RDH12: variants seen among roughly 807,000 people sequenced by gnomAD.
The protein encoded by RDH12 is all-trans and 9-cis retinol dehydrogenase.
In RDH12, 21 loss-of-function variants were observed where a neutral mutation model predicts 34.0. The ratio of observed to expected loss-of-function variants is 0.62; its 90% confidence interval spans 0.44 to 0.89. RDH12 has a LOEUF of 0.89. Ranked by LOEUF, RDH12 falls within the 40% of genes least tolerant of loss-of-function variation. RDH12 has a pLI of 0.00. For synonymous variants in RDH12, 198 were observed against 169.9 expected (o/e 1.17, Z -1.29); for missense variants, 394 against 398.6 (o/e 0.99, Z 0.10).
At chr14:67,707,366 A>G (rs1358655853) in intron 1 of RDH12, among the ~76,000 whole-genome samples, 1 of 152,188 alleles carries the variant, frequency 6.6e-6, no homozygotes, top group Non-Finnish European at 1.5e-5. Context: ...CTAAAGACAA[A>G]TTATGGTAGG....
At position 67,727,009 on chromosome 14, in the gene RDH12, G is replaced by A. The variant is rs1566847876; in HGVS notation, c.477G>A (p.Leu159=). 6.2e-7 allele frequency: 1 copy of A among 1,613,132 alleles called. No homozygotes were observed. Among genetic ancestry groups the A allele is most frequent in the Non-Finnish European group, 8.5e-7 (1 of 1,180,018 alleles). ...ACTTCCTCCTCACCTACCTGCTCCT[G>A]GAGCGGCTAAAGGTGTCTGCCCCTG... ...LGHFLLTYLL[L]ERLKVSAPAR... is the part of the protein sequence containing the mutation. The change falls in exon 7 of 9, where the codon CTG becomes CTA. Residue 159 remains leucine, a synonymous_variant. Transcript: ENST00000551171.
In RDH12 at chr14:67,719,833, A is replaced by T. The variant is rs192516428; in HGVS notation, c.-274-1015A>T. Among the ~76,000 whole-genome samples, 9 of 152,256 alleles carry T rather than the reference A, an allele frequency of 5.9e-5. No individual in the cohort carries two copies. In the East Asian group the frequency reaches 1.7e-3, roughly 29 times the overall value. The stretch of plus-strand genomic sequence containing the variant: ...TATTTATTCTGTTTCTTAATTATTT[A>T]TTCTTTTTTTACAGCTGTATACTAT... On this transcript the variant is annotated intron_variant, in intron 1 of 8. Coordinates refer to ENST00000551171, the MANE Select transcript of RDH12 (RefSeq NM_152443.3).
At chr14:67,727,626 G>T in intron 7 of RDH12, 1 of 222,932 alleles carries the variant, frequency 4.5e-6, no homozygotes, top group Admixed American at 5.3e-5. Flanking sequence ...GGGATTACAA[G>T]CACGCAATAT....
chr14:67,720,097 A>G (rs1160427005), intron 1 of RDH12, among the ~76,000 whole-genome samples: 1 of 152,192 alleles, frequency 6.6e-6, no homozygotes, highest in African/African-American at 2.4e-5. Context: ...GGATCATACT[A>G]CAATCTTTTT....
At chr14:67,725,619 A>G (rs2038176234) in intron 5 of RDH12, among the ~76,000 whole-genome samples, 1 of 152,198 alleles carries the variant, frequency 6.6e-6, no homozygotes, top group South Asian at 2.1e-4. Flanking sequence ...TGGATCTTGG[A>G]AAATGACCAG....
At chr14:67,704,498 C>T (rs2037931824) in intron 1 of RDH12, among the ~76,000 whole-genome samples, 1 of 152,124 alleles carries the variant, frequency 6.6e-6, no homozygotes, top group Non-Finnish European at 1.5e-5. Flanking sequence ...TTGGCCACTG[C>T]TGCTTATAAC....
intron 8 of RDH12, chr14:67,729,691 C>T (rs964014396): frequency 9.1e-5 from 51 of 562,006 alleles, no homozygotes; most frequent in Middle Eastern, 5.4e-4. Flanking sequence ...GATCGTTTTT[C>T]TCCTTCTTTA....
At chr14:67,702,254 C>A (rs2037907651) in intron 1 of RDH12, among the ~76,000 whole-genome samples, 1 of 152,090 alleles carries the variant, frequency 6.6e-6, no homozygotes, top group African/African-American at 2.4e-5. Context: ...CACACATGAG[C>A]CACCATGCCT....
At chr14:67,702,738 A>G (rs1050076289) in intron 1 of RDH12, among the ~76,000 whole-genome samples, 2 of 152,228 alleles carry the variant, frequency 1.3e-5, no homozygotes, top group Non-Finnish European at 2.9e-5. Context: ...GATACAACAT[A>G]TAACATATTA....
At chr14:67,733,702 C>T in intron 8 of RDH12, 44 bp from the exon 9 acceptor site, 2 of 1,309,948 alleles carry the variant, frequency 1.5e-6, no homozygotes, top group African/African-American at 1.4e-5. Context: ...TTCCAGACTG[C>T]TAATTCTCAT....
At chr14:67,728,711 G>GT (rs1194522480) in intron 7 of RDH12, among the ~76,000 whole-genome samples, 2 of 150,916 alleles carry the variant, frequency 1.3e-5, no homozygotes, top group East Asian at 2.0e-4. Context: ...TGTGGGGGGG[G>GT]GGTGTTAATC....
At chr14:67,716,196 C>CAA (rs11446343) in intron 1 of RDH12, among the ~76,000 whole-genome samples, 1,260 of 108,676 alleles carry the variant, frequency 0.012, 18 homozygotes, top group Middle Eastern at 0.049. Context: ...GACTCCGTCT[C>CAA]AAAAAAAAAA....
At chr14:67,732,240 C>A (rs902744881) in intron 8 of RDH12, among the ~76,000 whole-genome samples, 2 of 151,616 alleles carry the variant, frequency 1.3e-5, no homozygotes, top group Admixed American at 1.3e-4. Flanking sequence ...AATTCCATAC[C>A]AGCCTGGACA....
At position 67,703,193 on chromosome 14, in the gene RDH12, A is replaced by T. The variant is rs117116495; in HGVS notation, c.-275+1258A>T. 8.8e-3 allele frequency among the ~76,000 whole-genome samples: 1,344 copies of T among 152,292 alleles called. 17 individuals carry two copies. The highest frequency in any genetic ancestry group is 0.031 in the Middle Eastern group (9 of 294). On this transcript the variant is annotated intron_variant, in intron 1 of 8. Transcript: ENST00000551171. ...TCACCAGTTTATAAAAGATAGTTGGATCTAAATTATTTTTGGAAAAAATTG... is the reference window on the plus strand; with the variant it reads ...TCACCAGTTTATAAAAGATAGTTGGTTCTAAATTATTTTTGGAAAAAATTG...
rs1298896466 is a variant in RDH12 at position 67,727,194 on chromosome 14, A to G, written c.658+4A>G. The G allele has an allele frequency of 1.9e-6, 3 of 1,609,508 alleles. No homozygotes were observed. In the South Asian group the frequency reaches 3.3e-5, roughly 18 times the overall value. On this transcript the variant is annotated splice_donor_region_variant and intron_variant, in intron 7 of 8. Coordinates refer to ENST00000551171, the MANE Select transcript of RDH12 (RefSeq NM_152443.3). ...GAGCTGGCCAAGAGGCTCCAAGGTA[A>G]GTCTGGAGAAAGAGGAATAGCAAAA... is the stretch of plus-strand genomic sequence containing the variant.
At chr14:67,724,122 G>A (rs1234317290) in intron 3 of RDH12, among the ~76,000 whole-genome samples, 4 of 152,208 alleles carry the variant, frequency 2.6e-5, no homozygotes, top group African/African-American at 7.2e-5. Context: ...TTGAATGTAG[G>A]TTAGAGGGGA....
rs199764663 is a variant in RDH12, at chr14:67,726,524, C to T, written c.448+369C>T. 5.3e-5 allele frequency among the ~76,000 whole-genome samples: 8 copies of T among 152,132 alleles called. No individual in the cohort carries two copies. The East Asian group carries it at 1.4e-3, about 26-fold the overall frequency. ...GCCAACCAAGCCATGGGTTGGTCCA[C>T]GGAGGTAGGCAATCCTTGAGAACTT... On this transcript the variant is annotated intron_variant, in intron 6 of 8. Transcript: ENST00000551171.
chr14:67,734,205 A>G lies in RDH12; in HGVS notation c.*357A>G, dbSNP rs2038324100. The stretch of plus-strand genomic sequence containing the variant: ...CCAGAGGCTCAGCTGAGGCAAGAAG[A>G]GCACCATCACTGCCTATTTCTAGGG... On this transcript the variant is annotated 3_prime_UTR_variant, in exon 9 of 9. Transcript: ENST00000551171. The G allele has an allele frequency of 3.5e-6, 1 of 289,564 alleles. No homozygotes were observed. The highest frequency in any genetic ancestry group is 4.4e-5 in the Admixed American group (1 of 22,956). 17.9% of individuals were successfully genotyped at this position (289,564 alleles called of 1,614,324 possible). A position where few individuals can be genotyped will look rare whatever the true frequency, so the allele number is the denominator to read the frequency against.
chr14:67,718,433 A>G (rs1177629834), intron 1 of RDH12, among the ~76,000 whole-genome samples: 2 of 152,218 alleles, frequency 1.3e-5, no homozygotes, highest in African/African-American at 2.4e-5. Flanking sequence ...GAGCTGCTAG[A>G]TGATTTATGA....
Sources: allele counts gnomAD v4.1 joint callset (sites outside exome capture counted in the v4.1 genomes callset), GRCh38; gene constraint gnomAD v4.1.1; transcripts MANE v1.5; gene names NCBI Gene and HGNC (gene_info 2026-07-23, HGNC 2026-07-21).